SNTG1: variants seen among roughly 807,000 people sequenced by gnomAD.
The protein encoded by SNTG1 is syntrophin gamma 1.
In SNTG1, 39 loss-of-function variants were observed where a neutral mutation model predicts 74.7. That is an observed-to-expected ratio of 0.52 (90% CI 0.40 to 0.68). The LOEUF (loss-of-function observed/expected upper bound fraction) is 0.68. Among genes scored for constraint, SNTG1 ranks in the 30% least tolerant of loss-of-function variants. The pLI is 0.00. For synonymous variants in SNTG1, 254 were observed against 217.1 expected, an observed-to-expected ratio of 1.17 and a Z score of -1.49; for missense variants, 685 against 609.5, an observed-to-expected ratio of 1.12 and a Z score of -1.30.
chr8:50,610,685 T>G (rs1273949323), intron 13 of SNTG1, among the ~76,000 whole-genome samples: 4 of 152,178 alleles, frequency 2.6e-5, no homozygotes, highest in Non-Finnish European at 4.4e-5. Flanking sequence ...TTGTTGGGTT[T>G]CGTGTCATGT....
intron 1 of SNTG1, among the ~76,000 whole-genome samples, chr8:50,093,281 C>T (rs183133764): frequency 1.4e-4 from 22 of 152,220 alleles, no homozygotes; most frequent in Admixed American, 3.3e-4. Context: ...CTTTCAATTA[C>T]AATCTTACTG....
chr8:50,693,800 A>AG (rs1225447641), intron 15 of SNTG1, among the ~76,000 whole-genome samples: 9 of 152,220 alleles, frequency 5.9e-5, no homozygotes, highest in Admixed American at 2.6e-4. Flanking sequence ...AATCAATAAC[A>AG]GTAAGGATTT....
At chr8:50,689,210 A>C (rs75662878) in intron 15 of SNTG1, among the ~76,000 whole-genome samples, 3,284 of 152,148 alleles carry the variant, frequency 0.022, 99 homozygotes, top group African/African-American at 0.071. Context: ...GGACAACTTG[A>C]CTTCCTCTTT....
Position 50,432,507 on chromosome 8 carries a change from C to T in SNTG1, c.163-6036C>T, listed in dbSNP as rs1054462725. On this transcript the variant is annotated intron_variant, in intron 4 of 18. Coordinates refer to ENST00000642720, the MANE Select transcript of SNTG1 (RefSeq NM_018967.5). The stretch of plus-strand genomic sequence containing the variant: ...GTACTGGTTATTATAGGTCTTTTGG[C>T]TGTCCATCTAAACCTAAAAATTAGT... Among the ~76,000 whole-genome samples the T allele has an allele frequency of 2.6e-5, 4 of 152,122 alleles. No homozygotes were observed. In the East Asian group the frequency reaches 7.7e-4, roughly 29 times the overall value.
intron 2 of SNTG1, among the ~76,000 whole-genome samples, chr8:50,315,718 C>A (rs904801647): frequency 1.4e-5 from 2 of 138,136 alleles, no homozygotes. Context: ...GCCTTCCTAA[C>A]AATCTTTCAT....
chr8:50,706,617 A>C (rs1585600544), intron 16 of SNTG1, among the ~76,000 whole-genome samples: 1 of 152,242 alleles, frequency 6.6e-6, no homozygotes, highest in Middle Eastern at 3.4e-3. Context: ...CCCATTCACA[A>C]TGCCAGTGTA....
chr8:50,714,058 CAAAA>C (rs34349683), intron 17 of SNTG1, among the ~76,000 whole-genome samples: 2 of 104,938 alleles, frequency 1.9e-5, no homozygotes, highest in Non-Finnish European at 1.9e-5. Flanking sequence ...GACTCCATTT[CAAAA>C]AAAAAAAAAA....
At chr8:50,343,243 A>T (rs2091372378) in intron 2 of SNTG1, among the ~76,000 whole-genome samples, 1 of 152,246 alleles carries the variant, frequency 6.6e-6, no homozygotes, top group Non-Finnish European at 1.5e-5. Context: ...GGTAAGAACG[A>T]CCATCAGCAT....
At chr8:50,228,710 T>C (rs2085466318) in intron 2 of SNTG1, among the ~76,000 whole-genome samples, 1 of 151,724 alleles carries the variant, frequency 6.6e-6, no homozygotes, top group African/African-American at 2.4e-5. Flanking sequence ...GTAGAATAAA[T>C]AAAGACCTTC....
intron 1 of SNTG1, among the ~76,000 whole-genome samples, chr8:50,170,038 A>G (rs1355665341): frequency 6.6e-6 from 1 of 152,118 alleles, no homozygotes; most frequent in Admixed American, 6.5e-5. Context: ...TAGCCATTGA[A>G]CTTCCTTTCC....
rs2093572301 is a variant in SNTG1, at chr8:50,462,481, C to A, written c.363+11752C>A. On this transcript the variant is annotated intron_variant, in intron 8 of 18. Transcript: ENST00000642720. ...GCTGGGGCAATTTCTTAAAATAGAA[C>A]AATGAAATTTGCCACATCTATTGGC... 1.3e-5 allele frequency among the ~76,000 whole-genome samples: 2 copies of A among 150,556 alleles called. 1 individual carries two copies. The highest frequency in any genetic ancestry group is 4.0e-4 in the East Asian group (2 of 5,032).
At chr8:50,755,315 C>T (rs2095577656) in intron 18 of SNTG1, among the ~76,000 whole-genome samples, 1 of 151,460 alleles carries the variant, frequency 6.6e-6, no homozygotes, top group Non-Finnish European at 1.5e-5. Flanking sequence ...TGTCTCCGTA[C>T]TTTTTCCTTT....
rs73575364 is a variant in SNTG1 at position 50,203,541 on chromosome 8, T to C, written c.-28+30906T>C. On this transcript the variant is annotated intron_variant, in intron 2 of 18. Transcript: ENST00000642720. Reference sequence around the variant, plus strand: ...CATCAGACGTGAAAGAAACATATTGTATTTTTTTTAATAGCAGCATTTCGG... The same window carrying C: ...CATCAGACGTGAAAGAAACATATTGCATTTTTTTTAATAGCAGCATTTCGG... 4.1e-3 allele frequency among the ~76,000 whole-genome samples: 628 copies of C among 152,306 alleles called. 4 individuals carry two copies. Among genetic ancestry groups the C allele is most frequent in the African/African-American group, 0.015 (609 of 41,576 alleles).
At chr8:50,610,213 A>G (rs1164200299) in intron 13 of SNTG1, among the ~76,000 whole-genome samples, 2 of 151,790 alleles carry the variant, frequency 1.3e-5, no homozygotes, top group Admixed American at 6.6e-5. Context: ...TCTTATTTTT[A>G]TTTTTTGCTT....
At chr8:49,999,115 G>A (rs1814513459) in intron 1 of SNTG1, among the ~76,000 whole-genome samples, 1 of 152,130 alleles carries the variant, frequency 6.6e-6, no homozygotes, top group South Asian at 2.1e-4. Context: ...CCATCATTGT[G>A]GGATGCATGA....
At chr8:50,070,572 A>C (rs978442962) in intron 1 of SNTG1, among the ~76,000 whole-genome samples, 2 of 152,224 alleles carry the variant, frequency 1.3e-5, no homozygotes, top group African/African-American at 2.4e-5. Flanking sequence ...CCATAAAAGC[A>C]AGCTGAATAG....
At chr8:50,746,458 G>A (rs59169246) in intron 17 of SNTG1, among the ~76,000 whole-genome samples, 4,117 of 151,842 alleles carry the variant, frequency 0.027, 191 homozygotes, top group African/African-American at 0.094. Flanking sequence ...GAAAAACATC[G>A]AAAACATTAC....
chr8:50,487,508 A>C (rs1448597916), intron 8 of SNTG1, among the ~76,000 whole-genome samples: 1 of 152,244 alleles, frequency 6.6e-6, no homozygotes, highest in Non-Finnish European at 1.5e-5. Context: ...CTATGCAGCC[A>C]TAAAAAATGA....
At chr8:49,987,217 G>A (rs987099917) in intron 1 of SNTG1, among the ~76,000 whole-genome samples, 1 of 152,114 alleles carries the variant, frequency 6.6e-6, no homozygotes, top group Non-Finnish European at 1.5e-5. Context: ...ATATATATAA[G>A]AGTGTCAAAT....
Sources: allele counts gnomAD v4.1 joint callset (sites outside exome capture counted in the v4.1 genomes callset), GRCh38; gene constraint gnomAD v4.1.1; transcripts MANE v1.5; gene names NCBI Gene and HGNC (gene_info 2026-07-23, HGNC 2026-07-21).